The following ELOVL6 variants were observed in gnomAD, a reference collection of about 807,000 sequenced individuals.
The protein encoded by ELOVL6 is very long chain fatty acid elongase 6.
In ELOVL6, 8 loss-of-function variants were observed where a neutral mutation model predicts 31.7. That is an observed-to-expected ratio of 0.25 (90% confidence interval 0.15 to 0.45). The LOEUF (loss-of-function observed/expected upper bound fraction) is 0.45, where lower values mean the gene tolerates loss of function less well. Ranked by LOEUF, ELOVL6 falls within the 20% of genes least tolerant of loss-of-function variation. ELOVL6 has a pLI of 1.00. For synonymous variants in ELOVL6, 101 were observed against 117.7 expected, an observed-to-expected ratio of 0.86 and a Z score of 0.92; for missense variants, 126 against 326.4, an observed-to-expected ratio of 0.39 and a Z score of 4.73.
intron 2 of ELOVL6, among the ~76,000 whole-genome samples, chr4:110,075,715 CT>C (rs1026016927): frequency 2.0e-5 from 3 of 152,140 alleles, no homozygotes; most frequent in African/African-American, 7.2e-5. Flanking sequence ...CACTACTGAA[CT>C]ATACACATAA....
chr4:110,139,279 A>G (rs1229712542), intron 1 of ELOVL6, among the ~76,000 whole-genome samples: 1 of 152,158 alleles, frequency 6.6e-6, no homozygotes, highest in Admixed American at 6.6e-5. Flanking sequence ...TGAGCTCAAT[A>G]CATTTTTATT....
At chr4:110,094,442 T>A (rs1441620576) in intron 2 of ELOVL6, among the ~76,000 whole-genome samples, 4 of 38,682 alleles carry the variant, frequency 1.0e-4, no homozygotes, top group Non-Finnish European at 1.9e-4. Context: ...TATATATATA[T>A]AATATATATA....
At chr4:110,141,648 A>G (rs1232361586) in intron 1 of ELOVL6, among the ~76,000 whole-genome samples, 4 of 149,522 alleles carry the variant, frequency 2.7e-5, no homozygotes, top group African/African-American at 9.8e-5. Context: ...ATTGTATTGT[A>G]TTGTATTAGT....
At chr4:110,113,145 G>T (rs1197024236) in intron 1 of ELOVL6, among the ~76,000 whole-genome samples, 2 of 148,234 alleles carry the variant, frequency 1.3e-5, no homozygotes, top group South Asian at 4.3e-4. Flanking sequence ...GGAGAATGGC[G>T]TGAACCTGGG....
intron 3 of ELOVL6, among the ~76,000 whole-genome samples, chr4:110,058,677 G>A (rs1346621791): frequency 6.6e-6 from 1 of 152,146 alleles, no homozygotes; most frequent in Non-Finnish European, 1.5e-5. Context: ...TACATATTAG[G>A]TTGGTGCAAA....
Position 110,148,805 on chromosome 4 carries a change from CA to C in ELOVL6, c.90-43178del, listed in dbSNP as rs376534290. Among the ~76,000 whole-genome samples the C allele has an allele frequency of 3.2e-4, 49 of 152,052 alleles. 1 individual carries two copies. The East Asian group carries it at 5.4e-3, about 17-fold the overall frequency. On this transcript the variant is annotated intron_variant, in intron 1 of 3. Coordinates refer to ENST00000302274, the MANE Select transcript of ELOVL6 (RefSeq NM_024090.3). ...TTTAAAATAATTTTTTTAAAAAGGACAAAAAAATAACAGATGTTGGTAAGGA... is the reference window on the plus strand; with the variant it reads ...TTTAAAATAATTTTTTTAAAAAGGACAAAAAATAACAGATGTTGGTAAGGA...
chr4:110,154,461 G>A (rs543628970), intron 1 of ELOVL6, among the ~76,000 whole-genome samples: 2 of 152,122 alleles, frequency 1.3e-5, no homozygotes, highest in East Asian at 3.9e-4. Context: ...CACCATATTG[G>A]CCAGGCTGGT....
chr4:110,053,818 G>A (rs1754900653), intron 3 of ELOVL6, among the ~76,000 whole-genome samples: 1 of 152,118 alleles, frequency 6.6e-6, no homozygotes, highest in African/African-American at 2.4e-5. Context: ...GGGTGCCTGT[G>A]GTCCCAGCTA....
chr4:110,155,380 G>T (rs372516438), intron 1 of ELOVL6, among the ~76,000 whole-genome samples: 3 of 151,894 alleles, frequency 2.0e-5, no homozygotes, highest in Middle Eastern at 3.4e-3. Context: ...GAGACTGAGA[G>T]CATAGGAAAC....
chr4:110,160,453 A>G (rs1758600776), intron 1 of ELOVL6, among the ~76,000 whole-genome samples: 1 of 152,190 alleles, frequency 6.6e-6, no homozygotes, highest in African/African-American at 2.4e-5. Context: ...CTATAATAAT[A>G]TATTACTTAT....
In ELOVL6 at chr4:110,094,322, G is replaced by A. The variant is rs371695706; in HGVS notation, c.221+11175C>T. ...TAATCCCAGCACTTTGGGAGACTGA[G>A]GCAGGAGGATCCTTGAGCCCAGTAG... On this transcript the variant is annotated intron_variant, in intron 2 of 3. Coordinates refer to ENST00000302274, the MANE Select transcript of ELOVL6 (RefSeq NM_024090.3). Among the ~76,000 whole-genome samples, 101 of 147,768 alleles carry A rather than the reference G, an allele frequency of 6.8e-4. 2 individuals carry two copies. The East Asian group carries it at 0.013, about 19-fold the overall frequency.
chr4:110,068,180 C>T (rs1285248904), intron 2 of ELOVL6, among the ~76,000 whole-genome samples: 2 of 152,090 alleles, frequency 1.3e-5, no homozygotes, highest in South Asian at 4.2e-4. Context: ...AGAGATAAGG[C>T]CTTTTTGGAG....
At chr4:110,186,816 AAAAAAAAT>A (rs1308449554) in intron 1 of ELOVL6, among the ~76,000 whole-genome samples, 93 of 107,626 alleles carry the variant, frequency 8.6e-4, no homozygotes, top group African/African-American at 2.9e-3. Flanking sequence ...AAAAAAAAAA[AAAAAAAAT>A]ATATATATAT....
chr4:110,078,887 G>A (rs866648854), intron 2 of ELOVL6, among the ~76,000 whole-genome samples: 2 of 152,122 alleles, frequency 1.3e-5, no homozygotes, highest in Admixed American at 6.6e-5. Context: ...ATAAAGGGAT[G>A]GAGGAAGATC....
intron 2 of ELOVL6, among the ~76,000 whole-genome samples, chr4:110,069,655 T>C (rs1755411416): frequency 6.6e-6 from 1 of 152,158 alleles, no homozygotes; most frequent in Non-Finnish European, 1.5e-5. Context: ...GGTCTCACAG[T>C]TACTAAGTAG....
chr4:110,142,047 A>G (rs1352347444), intron 1 of ELOVL6, among the ~76,000 whole-genome samples: 1 of 146,136 alleles, frequency 6.8e-6, no homozygotes, highest in Non-Finnish European at 1.5e-5. Flanking sequence ...TTCATCCTTG[A>G]TATCCCACCC....
rs1560820606 is a variant in ELOVL6, at chr4:110,094,427, ATATATATATAT to A, written c.221+11059_221+11069del. On this transcript the variant is annotated intron_variant, in intron 2 of 3. Coordinates refer to ENST00000302274, the MANE Select transcript of ELOVL6 (RefSeq NM_024090.3). ...GAAATATATATATATATATATATAT[ATATATATATAT>A]ATATAATATATATAACATAATATAT... is the stretch of plus-strand genomic sequence containing the variant. Among the ~76,000 whole-genome samples, 476 of 63,980 alleles carry A rather than the reference ATATATATATAT, an allele frequency of 7.4e-3. 10 individuals carry two copies. The highest frequency in any genetic ancestry group is 0.027 in the African/African-American group (461 of 17,158). 42.0% of individuals were successfully genotyped at this position (63,980 alleles called of 152,430 possible). A position where few individuals can be genotyped will look rare whatever the true frequency, so the allele number is the denominator to read the frequency against.
At chr4:110,179,095 G>A (rs1483283904) in intron 1 of ELOVL6, among the ~76,000 whole-genome samples, 1 of 151,250 alleles carries the variant, frequency 6.6e-6, no homozygotes, top group Non-Finnish European at 1.5e-5. Flanking sequence ...TCTACGTTAG[G>A]TAAAATCTTT....
chr4:110,118,297 G>A (rs1055099244), intron 1 of ELOVL6, among the ~76,000 whole-genome samples: 11 of 151,896 alleles, frequency 7.2e-5, no homozygotes, highest in African/African-American at 2.4e-4. Flanking sequence ...CATGGTAACT[G>A]CCAAGACACC....
Sources: allele counts gnomAD v4.1 joint callset (sites outside exome capture counted in the v4.1 genomes callset), GRCh38; gene constraint gnomAD v4.1.1; transcripts MANE v1.5; gene names NCBI Gene and HGNC (gene_info 2026-07-23, HGNC 2026-07-21).